The following GIMAP8 variants were observed in gnomAD, a reference collection of about 807,000 sequenced individuals.
GIMAP8 encodes the protein GTPase, IMAP family member 8, also known as GTPase IMAP family member 8.
GIMAP8 carries 29 observed loss-of-function variants against 35.6 expected under a neutral mutation model. The observed-to-expected ratio is 0.81, with a 90% CI of 0.61 to 1.11. GIMAP8 has a LOEUF of 1.11. GIMAP8 is among the 50% of genes most tolerant of loss of function. The pLI is 0.00. For missense variants in GIMAP8, 811 were observed against 805.0 expected (o/e 1.01, Z -0.09); for synonymous variants, 335 against 308.7 (o/e 1.09, Z -0.89).
rs549254815 is a variant in GIMAP8, at chr7:150,462,184, C to T, written c.-28-4487C>T. ...TTGATTAATTAGGGTGGGGCAGAAA[C>T]AAATCACAATGGTGGAATGTCATCA... is the stretch of plus-strand genomic sequence containing the variant. On this transcript the variant is annotated intron_variant, in intron 1 of 4. Transcript: ENST00000307271. Among the ~76,000 whole-genome samples the T allele has an allele frequency of 2.6e-5, 4 of 152,262 alleles. No homozygotes were observed. The East Asian group carries it at 7.7e-4, about 29-fold the overall frequency.
chr7:150,466,774 A>G lies in GIMAP8; in HGVS notation c.76A>G (p.Thr26Ala). ...AAAATGCCGCTCGGGAAAAAGTGCC[A>G]CAGGAAATGCCATTCTGGGCAAACA... Reference protein sequence around the residue: ...LGKCRSGKSATGNAILGKHVF... With the variant: ...LGKCRSGKSAAGNAILGKHVF... Residue 26 changes from threonine (T) to alanine (A), a missense_variant, in exon 2 of 5, where the codon ACA becomes GCA. Transcript: ENST00000307271. 1 of 1,614,254 alleles carries G rather than the reference A, an allele frequency of 6.2e-7. No homozygotes were observed. Among genetic ancestry groups the G allele is most frequent in the Non-Finnish European group, 8.5e-7 (1 of 1,180,038 alleles).
chr7:150,452,006 G>C (rs1801618761), intron 1 of GIMAP8, among the ~76,000 whole-genome samples: 1 of 152,166 alleles, frequency 6.6e-6, no homozygotes, highest in East Asian at 1.9e-4. Context: ...ATGAATCCCC[G>C]CATGGCTGGA....
intron 2 of GIMAP8, among the ~76,000 whole-genome samples, chr7:150,469,030 A>G (rs1479701142): frequency 1.3e-5 from 2 of 152,190 alleles, no homozygotes; most frequent in Non-Finnish European, 2.9e-5. Context: ...GTTTCCTACA[A>G]TGAAACCCTC....
intron 3 of GIMAP8, among the ~76,000 whole-genome samples, chr7:150,473,768 C>T (rs1433148257): frequency 6.6e-6 from 1 of 151,752 alleles, no homozygotes; most frequent in Non-Finnish European, 1.5e-5. Flanking sequence ...CCAACGAAGG[C>T]CAAAGTTGGC....
At chr7:150,461,419 A>C (rs1315765531) in intron 1 of GIMAP8, among the ~76,000 whole-genome samples, 1 of 152,192 alleles carries the variant, frequency 6.6e-6, no homozygotes, top group Non-Finnish European at 1.5e-5. Context: ...GTGCACATAC[A>C]TTTATAGTTA....
Position 150,477,478 on chromosome 7 carries a change from C to G in GIMAP8, c.1696C>G (p.Arg566Gly), listed in dbSNP as rs147393052. 5.0e-6 allele frequency: 8 copies of G among 1,614,030 alleles called. No homozygotes were observed. Among genetic ancestry groups the G allele is most frequent in the Admixed American group, 1.7e-5 (1 of 60,008 alleles). Residue 566 changes from arginine (R) to glycine (G), a missense_variant, in exon 5 of 5, where the codon CGG (arginine) becomes GGG (glycine). Arg to Gly is a moderately radical substitution (Grantham distance 125). Coordinates refer to ENST00000307271, the MANE Select transcript of GIMAP8 (RefSeq NM_175571.4). ...FTKYAIMLFT[R>G]KEDLGAGNLE... The stretch of plus-strand genomic sequence containing the variant: ...GAAATACGCGATTATGCTGTTCACC[C>G]GGAAGGAAGACCTAGGGGCGGGGAA...
chr7:150,458,724 A>G (rs1013428045), intron 1 of GIMAP8, among the ~76,000 whole-genome samples: 2 of 152,260 alleles, frequency 1.3e-5, no homozygotes, highest in African/African-American at 4.8e-5. Flanking sequence ...TTCTCCAGAA[A>G]AAGAAATAAA....
At chr7:150,461,802 T>A (rs766603915) in intron 1 of GIMAP8, among the ~76,000 whole-genome samples, 7 of 152,244 alleles carry the variant, frequency 4.6e-5, no homozygotes, top group Admixed American at 3.9e-4. Context: ...TTGTTACTGA[T>A]AGATGAACTT....
chr7:150,456,692 C>T (rs1022931283), intron 1 of GIMAP8, among the ~76,000 whole-genome samples: 1 of 152,196 alleles, frequency 6.6e-6, no homozygotes, highest in African/African-American at 2.4e-5. Flanking sequence ...ACAGAAAGTA[C>T]TTAGATTCCC....
chr7:150,474,183 G>C lies in GIMAP8; in HGVS notation c.854G>C (p.Ser285Thr). 6.2e-7 allele frequency: 1 copy of C among 1,614,208 alleles called. No individual in the cohort carries two copies. Among genetic ancestry groups the C allele is most frequent in the Non-Finnish European group, 8.5e-7 (1 of 1,180,034 alleles). ...TGFSEQSVTQ[S>T]FLSESRSWRK... ...TTTAGTGAGCAGTCAGTAACCCAGA[G>C]CTTCTTGTCTGAGAGCAGAAGCTGG... is the stretch of plus-strand genomic sequence containing the variant. The change falls in exon 4 of 5, where the codon AGC becomes ACC. Residue 285 changes from serine (S) to threonine (T), a missense_variant. Physicochemically the swap from Ser to Thr is moderately conservative, Grantham distance 58 (BLOSUM62 1). Coordinates refer to ENST00000307271, the MANE Select transcript of GIMAP8 (RefSeq NM_175571.4).
At chr7:150,468,192 A>T (rs2373748) in intron 2 of GIMAP8, among the ~76,000 whole-genome samples, 49,772 of 151,994 alleles carry the variant, frequency 0.33, 8,263 homozygotes, top group East Asian at 0.41. Flanking sequence ...TTCTTGCCTA[A>T]CCTATTTTAA....
intron 1 of GIMAP8, among the ~76,000 whole-genome samples, chr7:150,454,893 A>AC (rs111640275): frequency 0.22 from 34,110 of 152,036 alleles, 4,154 homozygotes; most frequent in Non-Finnish European, 0.25. Context: ...TAATCCCAGC[A>AC]TTTTGGAGGC....
Position 150,477,387 on chromosome 7 carries a change from A to G in GIMAP8, c.1605A>G (p.Gly535=). 3 of 1,614,178 alleles carry G rather than the reference A, an allele frequency of 1.9e-6. No homozygotes were observed. The highest frequency in any genetic ancestry group is 1.7e-6 in the Non-Finnish European group (2 of 1,180,036). ...DTFFVLVFQL[G]RFTEEDKTAV... ...TTTTTGTCCTGGTGTTCCAGCTGGG[A>G]CGATTCACTGAAGAGGACAAAACAG... is the stretch of plus-strand genomic sequence containing the variant. Residue 535 remains glycine, a synonymous_variant, in exon 5 of 5, where the codon GGA becomes GGG. Coordinates refer to ENST00000307271, the MANE Select transcript of GIMAP8 (RefSeq NM_175571.4).
chr7:150,471,570 C>G (rs1250862640), intron 3 of GIMAP8, among the ~76,000 whole-genome samples: 1 of 152,198 alleles, frequency 6.6e-6, no homozygotes, highest in Non-Finnish European at 1.5e-5. Context: ...GGTGCAGTGG[C>G]TCATGCCTGT....
chr7:150,477,442 G>C lies in GIMAP8; in HGVS notation c.1660G>C (p.Ala554Pro). Residue 554 changes from alanine (A) to proline (P), a missense_variant, in exon 5 of 5, where the codon GCA becomes CCA. Transcript: ENST00000307271. ...GGCGAAACTGGAGGCCATCTTTGGAGCAGACTTTACGAAATACGCGATTAT... is the reference window on the plus strand; with the variant it reads ...GGCGAAACTGGAGGCCATCTTTGGACCAGACTTTACGAAATACGCGATTAT... ...AVAKLEAIFG[A>P]DFTKYAIMLF... 5 of 1,613,770 alleles carry C rather than the reference G, an allele frequency of 3.1e-6. No individual in the cohort carries two copies. Among genetic ancestry groups the C allele is most frequent in the Non-Finnish European group, 4.2e-6 (5 of 1,179,624 alleles).
At chr7:150,460,159 A>C (rs1801813812) in intron 1 of GIMAP8, among the ~76,000 whole-genome samples, 2 of 152,184 alleles carry the variant, frequency 1.3e-5, no homozygotes, top group Non-Finnish European at 2.9e-5. Flanking sequence ...CACTTTGTTC[A>C]TCAGCATATT....
intron 4 of GIMAP8, 120 bp from the exon 5 acceptor site, chr7:150,476,972 C>T (rs943083988): frequency 4.0e-6 from 3 of 749,558 alleles, no homozygotes; most frequent in Non-Finnish European, 6.6e-6. Flanking sequence ...AGAAGGAGGT[C>T]TTGATGCTGT....
At chr7:150,473,679 C>T (rs73726139) in intron 3 of GIMAP8, among the ~76,000 whole-genome samples, 3,522 of 151,502 alleles carry the variant, frequency 0.023, 140 homozygotes, top group African/African-American at 0.081. Flanking sequence ...CCTGGGCTTA[C>T]CTTTGGTACG....
rs533433422 is a variant in GIMAP8 at position 150,461,893 on chromosome 7, A to C, written c.-28-4778A>C. ...GTCCATGTGTAGAGAGTCCACCAAC[A>C]GGCTTTGTGTGAGCAAGAAGGCTGT... is the stretch of plus-strand genomic sequence containing the variant. On this transcript the variant is annotated intron_variant, in intron 1 of 4. Transcript: ENST00000307271. Among the ~76,000 whole-genome samples, 10 of 152,338 alleles carry C rather than the reference A, an allele frequency of 6.6e-5. No homozygotes were observed. In the South Asian group the frequency reaches 2.1e-3, roughly 32 times the overall value.
Sources: allele counts gnomAD v4.1 joint callset (sites outside exome capture counted in the v4.1 genomes callset), GRCh38; gene constraint gnomAD v4.1.1; transcripts MANE v1.5; gene names NCBI Gene and HGNC (gene_info 2026-07-23, HGNC 2026-07-21).